The following PACRGL variants were observed in gnomAD, a reference collection of about 807,000 sequenced individuals.
The protein encoded by PACRGL is parkin coregulated like, also known as PACRG-like protein.
Under a neutral mutation model 34.5 loss-of-function variants are expected in PACRGL, and 38 were observed. The ratio of observed to expected loss-of-function variants is 1.10; its 90% CI spans 0.85 to 1.44. PACRGL has a LOEUF of 1.44. Among genes scored for constraint, PACRGL ranks in the 40% most tolerant of loss-of-function variants. The pLI is 0.00. For synonymous variants in PACRGL, 128 were observed against 100.1 expected, an observed-to-expected ratio of 1.28 and a Z score of -1.66; for missense variants, 305 against 281.4, an observed-to-expected ratio of 1.08 and a Z score of -0.60.
In PACRGL at chr4:20,730,010, G is replaced by A; in HGVS notation, c.*2669G>A. ...TCAAGCTGAGCAATCTATGCTAAAA[G>A]TGGTAGCTCCAACTTTAAGGGTGGT... is the stretch of plus-strand genomic sequence containing the variant. On this transcript the variant is annotated 3_prime_UTR_variant, in exon 9 of 9. Transcript: ENST00000503585. 2.0e-6 allele frequency: 3 copies of A among 1,529,266 alleles called. No individual in the cohort carries two copies. The highest frequency in any genetic ancestry group is 2.6e-6 in the Non-Finnish European group (3 of 1,136,958). 94.7% of individuals were successfully genotyped at this position (1,529,266 alleles called of 1,614,324 possible).
intron 5 of PACRGL, among the ~76,000 whole-genome samples, chr4:20,712,070 T>G (rs1737512192): frequency 6.6e-6 from 1 of 151,940 alleles, no homozygotes; most frequent in African/African-American, 2.4e-5. Flanking sequence ...AGAAAGTGAG[T>G]GTACATAACA....
At chr4:20,739,778 G>T (rs1190989633) in intron 8 of PACRGL, among the ~76,000 whole-genome samples, 1 of 151,990 alleles carries the variant, frequency 6.6e-6, no homozygotes, top group African/African-American at 2.4e-5. Context: ...CAAAAGATCA[G>T]TAATAACAAA....
chr4:20,699,888 C>T (rs995313564), upstream of PACRGL, among the ~76,000 whole-genome samples: 3 of 152,040 alleles, frequency 2.0e-5, no homozygotes, highest in Non-Finnish European at 4.4e-5. Context: ...CAAAATCGTG[C>T]TTTTTACTAT....
At position 20,752,055 on chromosome 4, in the gene PACRGL, G is replaced by GTTTT. The variant is rs33912651; in HGVS notation, c.*57-493_*57-490dup. ...ACAATATCAGTATGTACTTCATAGA[G>GTTTT]TTTTTTTTTTTTTTTTTTTTGAGAC... On this transcript the variant is annotated intron_variant, in intron 8 of 8. Coordinates refer to the PACRGL transcript ENST00000507634. 5.8e-4 allele frequency among the ~76,000 whole-genome samples: 71 copies of GTTTT among 121,646 alleles called. 1 individual carries two copies. The highest frequency in any genetic ancestry group is 1.2e-3 in the African/African-American group (39 of 31,958). 79.8% of individuals were successfully genotyped at this position (121,646 alleles called of 152,430 possible). A position where few individuals can be genotyped will look rare whatever the true frequency, so the allele number is the denominator to read the frequency against.
the PACRGL span, chr4:20,766,939 G>C: frequency 1.3e-5 from 2 of 152,190 alleles, no homozygotes; most frequent in Admixed American, 1.3e-4. Context: ...GCTCTCCTCT[G>C]TGAAACGGGG....
At chr4:20,765,363 C>T in the PACRGL span, among the ~76,000 whole-genome samples, 1 of 151,988 alleles carries the variant, frequency 6.6e-6, no homozygotes, top group Non-Finnish European at 1.5e-5. Flanking sequence ...GTATTTGTAC[C>T]CAGAGGCACC....
chr4:20,728,903 A>G lies in PACRGL; in HGVS notation c.*1562A>G, dbSNP rs975537742. 28 of 146,054 alleles carry G rather than the reference A, an allele frequency of 1.9e-4. No individual in the cohort carries two copies. The highest frequency in any genetic ancestry group is 5.2e-5 in the African/African-American group (2 of 38,224). The allele number at this position is 146,054 out of a possible 1,614,324, so 9.0% of individuals were successfully genotyped here. A position where few individuals can be genotyped will look rare whatever the true frequency, so the allele number is the denominator to read the frequency against. ...GTGGCTTTAGTAATGTGGCAACTTT[A>G]CAGTTTTGGCTAAGATGATTAAAAA... On this transcript the variant is annotated 3_prime_UTR_variant, in exon 9 of 9. Transcript: ENST00000503585.
downstream of PACRGL, among the ~76,000 whole-genome samples, chr4:20,754,384 G>A (rs2291530): frequency 0.039 from 5,949 of 152,174 alleles, 147 homozygotes; most frequent in East Asian, 0.1. Flanking sequence ...CAATGTTACT[G>A]TTCATAATGA....
chr4:20,765,875 CCT>C, the PACRGL span, among the ~76,000 whole-genome samples: 2 of 152,270 alleles, frequency 1.3e-5, no homozygotes, highest in South Asian at 4.1e-4. Context: ...CCTTTTCAGT[CCT>C]CTCAGGCCAT....
chr4:20,701,853 A>T (rs1382623296), intron 1 of PACRGL: 6 of 456,640 alleles, frequency 1.3e-5, no homozygotes, highest in South Asian at 9.3e-5. Flanking sequence ...GAACCCGCAT[A>T]TACGGAGAGC....
At chr4:20,750,041 A>T (rs1753310037) in intron 8 of PACRGL, among the ~76,000 whole-genome samples, 1 of 152,170 alleles carries the variant, frequency 6.6e-6, no homozygotes, top group African/African-American at 2.4e-5. Flanking sequence ...GTGAAGATTG[A>T]GACTTGTCTG....
At chr4:20,705,390 A>G (rs1734067256) in intron 3 of PACRGL, among the ~76,000 whole-genome samples, 1 of 152,102 alleles carries the variant, frequency 6.6e-6, no homozygotes, top group African/African-American at 2.4e-5. Flanking sequence ...TCAGCCTTCG[A>G]AGGGGATTGT....
chr4:20,703,206 A>T (rs935882227), intron 1 of PACRGL, among the ~76,000 whole-genome samples: 1 of 152,226 alleles, frequency 6.6e-6, no homozygotes. Context: ...TTGGAGGTGG[A>T]AGAGGACTTT....
chr4:20,734,864 T>C (rs985057748), downstream of PACRGL: 2 of 503,148 alleles, frequency 4.0e-6, no homozygotes, highest in Non-Finnish European at 3.5e-6. Flanking sequence ...TGATGTGTTA[T>C]TGGTTGTCTA....
At chr4:20,746,718 G>A (rs1752496360) in intron 8 of PACRGL, among the ~76,000 whole-genome samples, 1 of 152,138 alleles carries the variant, frequency 6.6e-6, no homozygotes, top group South Asian at 2.1e-4. Flanking sequence ...TAAGTACTCA[G>A]CCTAGGGTCT....
At chr4:20,752,055 G>GTTTTT (rs33912651) in intron 8 of PACRGL, among the ~76,000 whole-genome samples, 12 of 121,664 alleles carry the variant, frequency 9.9e-5, no homozygotes, top group African/African-American at 2.2e-4. Flanking sequence ...ACTTCATAGA[G>GTTTTT]TTTTTTTTTT....
intron 7 of PACRGL, 33 bp from the exon 8 acceptor site, chr4:20,724,775 T>A: frequency 7.8e-7 from 1 of 1,285,320 alleles, no homozygotes; most frequent in Non-Finnish European, 1.0e-6. Context: ...AAGTTTAAAG[T>A]CATTTCGTTT....
downstream of PACRGL, among the ~76,000 whole-genome samples, chr4:20,755,467 CA>C (rs34868448): frequency 6.6e-6 from 1 of 152,108 alleles, no homozygotes; most frequent in Non-Finnish European, 1.5e-5. Flanking sequence ...TTCATTCATG[CA>C]AAAAGCATTT....
At chr4:20,743,068 T>C (rs1316474167) in intron 8 of PACRGL, among the ~76,000 whole-genome samples, 4 of 151,800 alleles carry the variant, frequency 2.6e-5, no homozygotes, top group African/African-American at 9.7e-5. Flanking sequence ...AGGACCCTTA[T>C]AAGTTCACCC....
Sources: allele counts gnomAD v4.1 joint callset (sites outside exome capture counted in the v4.1 genomes callset), GRCh38; gene constraint gnomAD v4.1.1; transcripts MANE v1.5; gene names NCBI Gene and HGNC (gene_info 2026-07-23, HGNC 2026-07-21).